The following GFI1B variants were observed in gnomAD, a reference collection of about 807,000 sequenced individuals.
GFI1B encodes the protein growth factor independent 1B transcriptional repressor.
In GFI1B, 20 loss-of-function variants were observed where a neutral mutation model predicts 35.3. The observed-to-expected ratio is 0.57, with a 90% CI of 0.40 to 0.82. The LOEUF (loss-of-function observed/expected upper bound fraction) is 0.82. Ranked by LOEUF, GFI1B falls within the 40% of genes least tolerant of loss-of-function variation. The pLI, the probability that GFI1B is intolerant of heterozygous loss-of-function variation, is 0.00. For missense variants in GFI1B, 430 were observed against 446.3 expected, an observed-to-expected ratio of 0.96 and a Z score of 0.33; for synonymous variants, 178 against 177.6, an observed-to-expected ratio of 1.00 and a Z score of -0.02.
At chr9:132,961,422 C>CAAA (rs11393530) in intron 1 of GFI1B, among the ~76,000 whole-genome samples, 35 of 128,642 alleles carry the variant, frequency 2.7e-4, no homozygotes, top group Non-Finnish European at 2.4e-4. Flanking sequence ...AATTATTTGA[C>CAAA]AAAAAAAAAA....
intron 1 of GFI1B, among the ~76,000 whole-genome samples, chr9:132,965,256 C>A (rs569312369): frequency 1.4e-4 from 22 of 152,300 alleles, no homozygotes; most frequent in African/African-American, 4.1e-4. Context: ...TAGAACTAGG[C>A]TGAAAGAACT....
chr9:132,970,498 A>C (rs935294417), intron 1 of GFI1B, among the ~76,000 whole-genome samples: 2 of 152,154 alleles, frequency 1.3e-5, no homozygotes. Flanking sequence ...AGTTGCATGC[A>C]TCCATGGCCA....
At chr9:132,962,577 C>A in intron 1 of GFI1B, 1 of 514,998 alleles carries the variant, frequency 1.9e-6, no homozygotes, top group Non-Finnish European at 4.0e-6. Context: ...AAAATCATCC[C>A]ATTTCCCAGT....
chr9:132,964,558 C>T (rs1212593151), intron 1 of GFI1B, among the ~76,000 whole-genome samples: 1 of 152,092 alleles, frequency 6.6e-6, no homozygotes, highest in Non-Finnish European at 1.5e-5. Flanking sequence ...TGCCTGGTCA[C>T]AATCACTATC....
chr9:132,969,932 G>A (rs970695575), intron 1 of GFI1B, among the ~76,000 whole-genome samples: 7 of 152,098 alleles, frequency 4.6e-5, no homozygotes, highest in African/African-American at 7.2e-5. Flanking sequence ...TAAAATCTCC[G>A]AAGGCGGCCG....
At chr9:132,970,096 C>A (rs1177605970) in intron 1 of GFI1B, among the ~76,000 whole-genome samples, 1 of 151,612 alleles carries the variant, frequency 6.6e-6, no homozygotes, top group Non-Finnish European at 1.5e-5. Flanking sequence ...AGAGAGGGAT[C>A]TTTCCTAAAT....
intron 1 of GFI1B, among the ~76,000 whole-genome samples, chr9:132,971,340 C>G (rs961897113): frequency 6.6e-6 from 1 of 152,182 alleles, no homozygotes; most frequent in South Asian, 2.1e-4. Context: ...GTGTCCCCCC[C>G]ACACTCCTTC....
chr9:132,984,264 C>T lies in GFI1B; in HGVS notation c.-20-2395C>T, dbSNP rs1014238711. ...CTCCTCTCCCCCTAGGGTCTGGCCT[C>T]CCCATGGGCTTTCTTGAAGCGAAGA... On this transcript the variant is annotated intron_variant, in intron 1 of 6. Transcript: ENST00000372122. Among the ~76,000 whole-genome samples the T allele has an allele frequency of 4.6e-5, 7 of 152,306 alleles. No individual in the cohort carries two copies. The East Asian group carries it at 1.4e-3, about 29-fold the overall frequency.
chr9:132,961,823 C>T (rs541487117), intron 1 of GFI1B, among the ~76,000 whole-genome samples: 20 of 151,934 alleles, frequency 1.3e-4, no homozygotes, highest in African/African-American at 4.3e-4. Flanking sequence ...GATCTCCTGA[C>T]CTCGTGATCT....
At chr9:132,990,493 G>A (rs1849257843) in intron 6 of GFI1B, among the ~76,000 whole-genome samples, 1 of 152,114 alleles carries the variant, frequency 6.6e-6, no homozygotes, top group Admixed American at 6.6e-5. Flanking sequence ...TCACTCATTT[G>A]CTCATTCATT....
At chr9:132,987,191 T>A in intron 2 of GFI1B, 91 bp from the exon 3 acceptor site, 1 of 1,367,070 alleles carries the variant, frequency 7.3e-7, no homozygotes, top group South Asian at 1.2e-5. Context: ...TCTCTGGGCC[T>A]CCTCCTCCTA....
chr9:132,993,308 C>G (rs1287624231), downstream of GFI1B, among the ~76,000 whole-genome samples: 1 of 152,076 alleles, frequency 6.6e-6, no homozygotes, highest in Non-Finnish European at 1.5e-5. Flanking sequence ...AACAAACAAA[C>G]AAACAAACAT....
intron 1 of GFI1B, among the ~76,000 whole-genome samples, chr9:132,947,412 C>CA (rs35035214): frequency 0.065 from 6,219 of 95,808 alleles, 223 homozygotes; most frequent in East Asian, 0.19. Context: ...TTTAATCGAG[C>CA]AAAAAAAAAA....
Position 132,988,254 on chromosome 9 carries a change from C to T in GFI1B, c.296C>T (p.Pro99Leu). The T allele has an allele frequency of 6.2e-7, 1 of 1,613,990 alleles. No homozygotes were observed. Among genetic ancestry groups the T allele is most frequent in the Non-Finnish European group, 8.5e-7 (1 of 1,179,804 alleles). Reference sequence around the variant, plus strand: ...GGGGACTCTCCACTGTCCGACTCACCCCCATTCTACAAGCCTAGCTTCTCC... The same window carrying T: ...GGGGACTCTCCACTGTCCGACTCACTCCCATTCTACAAGCCTAGCTTCTCC... ...QDGDSPLSDSPPFYKPSFSWD... is the reference protein window; with the variant it reads ...QDGDSPLSDSLPFYKPSFSWD... Residue 99 changes from proline to leucine, a missense_variant, in exon 4 of 7, where the codon CCC (proline) becomes CTC (leucine). Pro to Leu is a moderately conservative substitution (Grantham distance 98). Coordinates refer to ENST00000372122, the MANE Select transcript of GFI1B (RefSeq NM_001377304.1).
chr9:132,980,069 T>C (rs748196235), intron 1 of GFI1B, among the ~76,000 whole-genome samples: 26 of 152,312 alleles, frequency 1.7e-4, no homozygotes, highest in Admixed American at 9.2e-4. Context: ...GACAAGAAAA[T>C]GCGTAATTCC....
chr9:132,958,450 G>T (rs1362570427), intron 1 of GFI1B, among the ~76,000 whole-genome samples: 3 of 152,138 alleles, frequency 2.0e-5, no homozygotes. Flanking sequence ...AAGCAGGCAC[G>T]TCACATAGAG....
intron 1 of GFI1B, among the ~76,000 whole-genome samples, chr9:132,964,738 T>C (rs546335030): frequency 7.0e-6 from 1 of 143,852 alleles, no homozygotes; most frequent in South Asian, 2.2e-4. Context: ...AAACAATTTT[T>C]CTTCCTTTTT....
chr9:132,985,310 C>T (rs912411659), intron 1 of GFI1B, among the ~76,000 whole-genome samples: 1 of 152,218 alleles, frequency 6.6e-6, no homozygotes, highest in Non-Finnish European at 1.5e-5. Flanking sequence ...AGCCCTGTCA[C>T]TCCCTGACTC....
At chr9:132,987,154 C>G (rs1043074097) in intron 2 of GFI1B, 128 bp from the exon 3 acceptor site, 2 of 1,055,482 alleles carry the variant, frequency 1.9e-6, no homozygotes, top group Non-Finnish European at 2.9e-6. Context: ...GAGTGTGAGC[C>G]GCCAGAAGCA....
Sources: allele counts gnomAD v4.1 joint callset (sites outside exome capture counted in the v4.1 genomes callset), GRCh38; gene constraint gnomAD v4.1.1; transcripts MANE v1.5; gene names NCBI Gene and HGNC (gene_info 2026-07-23, HGNC 2026-07-21).